The following KRT9 variants were observed in gnomAD, a reference collection of about 807,000 sequenced individuals.
The protein encoded by KRT9 is keratin 9.
Under a neutral mutation model 51.4 loss-of-function variants are expected in KRT9, and 34 were observed. The observed-to-expected ratio is 0.66, with a 90% CI of 0.50 to 0.88. KRT9 has a LOEUF of 0.88. Ranked by LOEUF, KRT9 falls within the 40% of genes least tolerant of loss-of-function variation. The pLI is 0.00. For synonymous variants in KRT9, 292 were observed against 289.7 expected (o/e 1.01, Z -0.08); for missense variants, 753 against 790.3 (o/e 0.95, Z 0.57).
Position 41,567,675 on chromosome 17 carries a change from C to T in KRT9, c.1470G>A (p.Arg490=). The T allele has an allele frequency of 2.5e-6, 4 of 1,612,836 alleles. No homozygotes were observed. Among genetic ancestry groups the T allele is most frequent in the African/African-American group, 1.3e-5 (1 of 74,996 alleles). ...GSGGSYGRGS[R]GGSGGSYGGG... ...CACCATAGCTGCCTCCACTTCCTCCCCTGGATCCTCTTCCATAACTGCCTC... is the reference window on the plus strand; with the variant it reads ...CACCATAGCTGCCTCCACTTCCTCCTCTGGATCCTCTTCCATAACTGCCTC... Residue 490 remains arginine, a synonymous_variant, in exon 7 of 8, where the codon AGG becomes AGA. Coordinates refer to ENST00000246662, the MANE Select transcript of KRT9 (RefSeq NM_000226.4).
chr17:41,570,086 G>A (rs889836097), intron 2 of KRT9, 52 bp downstream of exon 2: 1 of 1,612,382 alleles, frequency 6.2e-7, no homozygotes, highest in Admixed American at 1.7e-5. Flanking sequence ...AGAGCACTGA[G>A]GTTCAGGGGT....
chr17:41,568,425 A>G (rs1184764112), intron 5 of KRT9, 40 bp from the exon 6 acceptor site: 3 of 1,613,800 alleles, frequency 1.9e-6, no homozygotes, highest in East Asian at 2.2e-5. Flanking sequence ...ATGCTACATC[A>G]TAACTCCTCT....
In KRT9 at chr17:41,571,441, C is replaced by T. The variant is rs1273668562; in HGVS notation, c.552G>A (p.Lys184=). ...CCTTCTTGTCGTACCAATCCTGGAT[C>T]TTATTCTCCAGGTCGTTGTTGGCCT... The part of the protein sequence containing the change: ...LEEANNDLEN[K]IQDWYDKKGP... The change falls in exon 1 of 8, where the codon AAG becomes AAA. Residue 184 remains lysine (K), a synonymous_variant. Coordinates refer to ENST00000246662, the MANE Select transcript of KRT9 (RefSeq NM_000226.4). 5.6e-6 allele frequency: 9 copies of T among 1,614,014 alleles called. No homozygotes were observed. Among genetic ancestry groups the T allele is most frequent in the Non-Finnish European group, 6.8e-6 (8 of 1,179,992 alleles).
At position 41,569,521 on chromosome 17, in the gene KRT9, T is replaced by C; in HGVS notation, c.949A>G (p.Lys317Glu). ...VNVEINVAPG[K>E]DLTKTLNDMR... is the part of the protein sequence containing the mutation. ...TCATTGAGGGTCTTGGTGAGATCTT[T>C]GCCAGGAGCAACGTTTATCTCCACA... The change falls in exon 4 of 8, where the codon AAA (lysine) becomes GAA (glutamate). Residue 317 changes from lysine (K) to glutamate (E), a missense_variant. This residue lies in a region of KRT9 where 507 missense variants were observed against 563.7 expected (regional missense o/e 0.90). Coordinates refer to ENST00000246662, the MANE Select transcript of KRT9 (RefSeq NM_000226.4). The C allele has an allele frequency of 6.2e-7, 1 of 1,614,190 alleles. No homozygotes were observed.
intron 3 of KRT9, 30 bp from the exon 4 acceptor site, chr17:41,569,617 C>T (rs776323443): frequency 1.1e-5 from 18 of 1,612,058 alleles, no homozygotes; most frequent in Admixed American, 3.3e-5. Flanking sequence ...GATGAGGTCA[C>T]GGATAAAGTC....
Position 41,569,460 on chromosome 17 carries a change from T to C in KRT9, c.1010A>G (p.Asn337Ser), listed in dbSNP as rs971745205. The change falls in exon 4 of 8, where the codon AAC (asparagine) becomes AGC (serine). Residue 337 changes from asparagine (N) to serine (S), a missense_variant. Physicochemically the swap from Asn to Ser is conservative, Grantham distance 46. Coordinates refer to ENST00000246662, the MANE Select transcript of KRT9 (RefSeq NM_000226.4). ...RQEYEQLIAK[N>S]RKDIENQYET... is the part of the protein sequence containing the mutation. ...ATATTGATTCTCGATGTCCTTTCTG[T>C]TCTTAGCAATGAGCTGCTCATACTC... 1.2e-6 allele frequency: 2 copies of C among 1,613,972 alleles called. No homozygotes were observed. Among genetic ancestry groups the C allele is most frequent in the African/African-American group, 2.7e-5 (2 of 74,876 alleles).
In KRT9 at chr17:41,571,969, CGAG is replaced by C. The variant is rs768084230; in HGVS notation, c.21_23del (p.Ser9del). On this transcript the variant is annotated inframe_deletion, in exon 1 of 8. Transcript: ENST00000246662. The stretch of plus-strand genomic sequence containing the variant: ...CCCCGCCGCTGCGGCTCAAGTAGGA[CGAG>C]GAGAACTGTCTGCAGCTCATGACAC... The C allele has an allele frequency of 1.3e-6, 2 of 1,585,036 alleles. No individual in the cohort carries two copies. The highest frequency in any genetic ancestry group is 8.6e-7 in the Non-Finnish European group (1 of 1,167,336).
rs749659662 is a variant in KRT9 at position 41,571,813 on chromosome 17, G to C, written c.180C>G (p.Val60=). The C allele has an allele frequency of 6.2e-6, 10 of 1,612,570 alleles. No individual in the cohort carries two copies. In the East Asian group the frequency reaches 8.9e-5, roughly 14 times the overall value. ...SSGYGGGSSR[V]CGRGGGGSFG... The stretch of plus-strand genomic sequence containing the variant: ...AACTGCCACCGCCTCCCCTCCCACA[G>C]ACACGAGAGCTTCCCCCACCATAGC... The change falls in exon 1 of 8, where the codon GTC becomes GTG. Residue 60 remains valine (V), a synonymous_variant. Coordinates refer to ENST00000246662, the MANE Select transcript of KRT9 (RefSeq NM_000226.4).
At position 41,569,865 on chromosome 17, in the gene KRT9, A is replaced by C; in HGVS notation, c.876T>G (p.His292Gln). The C allele has an allele frequency of 1.2e-6, 2 of 1,614,050 alleles. No homozygotes were observed. The highest frequency in any genetic ancestry group is 1.1e-5 in the South Asian group (1 of 91,070). Reference sequence around the variant, plus strand: ...ATAAGCCCCAGCAACCTACCTCCTTATGATTCTTCTTGAGGGCCATCAGCT... The same window carrying C: ...ATAAGCCCCAGCAACCTACCTCCTTCTGATTCTTCTTGAGGGCCATCAGCT... The part of the protein sequence containing the change: ...QEELMALKKN[H>Q]KEEMSQLTGQ... The change falls in exon 3 of 8, where the codon CAT becomes CAG. Residue 292 changes from histidine to glutamine, a missense_variant. This residue lies in a region of KRT9 where 507 missense variants were observed against 563.7 expected (regional missense o/e 0.90). Coordinates refer to ENST00000246662, the MANE Select transcript of KRT9 (RefSeq NM_000226.4).
chr17:41,570,989 A>G (rs1907060628), intron 1 of KRT9, among the ~76,000 whole-genome samples: 2 of 152,246 alleles, frequency 1.3e-5, no homozygotes, highest in Admixed American at 6.5e-5. Context: ...TTAAAAGATC[A>G]AGATACACTC....
At chr17:41,568,122 A>G (rs1040097697) in intron 6 of KRT9, 40 bp downstream of exon 6, 2 of 1,533,292 alleles carry the variant, frequency 1.3e-6, no homozygotes, top group African/African-American at 1.4e-5. Context: ...TCAGAGGCCT[A>G]GGGACCCCCA....
Position 41,571,986 on chromosome 17 carries a change from A to G in KRT9, c.7T>C (p.Cys3Arg). Residue 3 changes from cysteine to arginine, a missense_variant, in exon 1 of 8, where the codon TGC becomes CGC. Transcript: ENST00000246662. MS[C>R]RQFSSSYLSR... ...AAGTAGGACGAGGAGAACTGTCTGC[A>G]GCTCATGACACAGCTGGTAGCTCAC... is the stretch of plus-strand genomic sequence containing the variant. 4 of 1,580,224 alleles carry G rather than the reference A, an allele frequency of 2.5e-6. No homozygotes were observed. The highest frequency in any genetic ancestry group is 3.4e-6 in the Non-Finnish European group (4 of 1,165,468).
Position 41,571,483 on chromosome 17 carries a change from C to T in KRT9, c.510G>A (p.Lys170=), listed in dbSNP as rs116096066. 1,049 of 1,613,968 alleles carry T rather than the reference C, an allele frequency of 6.5e-4. 7 individuals are homozygous for T. The African/African-American group carries it at 0.012, about 19-fold the overall frequency. ...LNSRLASYLD[K]VQALEEANND... ...TGTTGGCCTCCTCTAGAGCCTGCAC[C>T]TTATCCAAGTAAGAGGCCAGCCGAG... Residue 170 remains lysine (K), a synonymous_variant, in exon 1 of 8, where the codon AAG becomes AAA. Transcript: ENST00000246662.
chr17:41,569,462 C>A lies in KRT9; in HGVS notation c.1008G>T (p.Lys336Asn), dbSNP rs747043664. The A allele has an allele frequency of 6.2e-7, 1 of 1,614,120 alleles. No individual in the cohort carries two copies. The highest frequency in any genetic ancestry group is 1.1e-5 in the South Asian group (1 of 91,070). Residue 336 changes from lysine to asparagine, a missense_variant, in exon 4 of 8, where the codon AAG becomes AAT. Coordinates refer to ENST00000246662, the MANE Select transcript of KRT9 (RefSeq NM_000226.4). ...MRQEYEQLIA[K>N]NRKDIENQYE... is the part of the protein sequence containing the mutation. ...ATTGATTCTCGATGTCCTTTCTGTT[C>A]TTAGCAATGAGCTGCTCATACTCCT...
intron 5 of KRT9, 57 bp downstream of exon 5, chr17:41,568,451 G>A: frequency 6.2e-7 from 1 of 1,613,984 alleles, no homozygotes; most frequent in South Asian, 1.1e-5. Flanking sequence ...CCACTCCTGG[G>A]CTGCAAAGAC....
intron 4 of KRT9, 33 bp downstream of exon 4, chr17:41,569,393 G>T: frequency 6.2e-7 from 1 of 1,605,116 alleles, no homozygotes; most frequent in Non-Finnish European, 8.5e-7. Flanking sequence ...AGATGGAGGG[G>T]AGGAGGATGA....
intron 4 of KRT9, 63 bp from the exon 5 acceptor site, chr17:41,568,696 G>T (rs1434281140): frequency 1.6e-5 from 25 of 1,607,164 alleles, no homozygotes; most frequent in Non-Finnish European, 2.0e-5. Context: ...GTGAGATTCT[G>T]CCCCATTCAC....
rs1567732508 is a variant in KRT9 at position 41,570,133 on chromosome 17, C to G, written c.725+5G>C. On this transcript the variant is annotated splice_donor_5th_base_variant and intron_variant, in intron 2 of 7. Coordinates refer to ENST00000246662, the MANE Select transcript of KRT9 (RefSeq NM_000226.4). ...ACAGGAGAGGAGAAGAGGAGCAGGA[C>G]TCACTTTATCCTGAAGTCATCCAGT... 6 of 1,613,932 alleles carry G rather than the reference C, an allele frequency of 3.7e-6. No homozygotes were observed. The highest frequency in any genetic ancestry group is 4.2e-6 in the Non-Finnish European group (5 of 1,179,800).
In KRT9 at chr17:41,566,129, G is replaced by A. The variant is rs1906865055; in HGVS notation, c.*64C>T. 1 of 152,910 alleles carries A rather than the reference G, an allele frequency of 6.5e-6. No homozygotes were observed. The highest frequency in any genetic ancestry group is 1.5e-5 in the Non-Finnish European group (1 of 68,096). 9.5% of individuals were successfully genotyped at this position (152,910 alleles called of 1,614,324 possible). A position where few individuals can be genotyped will look rare whatever the true frequency, so the allele number is the denominator to read the frequency against. Reference sequence around the variant, plus strand: ...GGGCTGGGCAGGAGAAGTTTACAGAGGCTCTAGTATCGCGAAAGGAAGCCT... The same window carrying A: ...GGGCTGGGCAGGAGAAGTTTACAGAAGCTCTAGTATCGCGAAAGGAAGCCT... On this transcript the variant is annotated 3_prime_UTR_variant, in exon 8 of 8. Coordinates refer to ENST00000246662, the MANE Select transcript of KRT9 (RefSeq NM_000226.4).
Sources: gnomAD v4.1 joint callset for allele counts (sites outside exome capture counted in the v4.1 genomes callset) on GRCh38, gnomAD v4.1.1 for gene constraint, gnomAD v4.1.1 regional missense constraint, MANE v1.5 for transcripts, NCBI Gene and HGNC (gene_info 2026-07-23, HGNC 2026-07-21) for gene names.